Variants in ERBB4 observed in about 807,000 individuals in gnomAD.
The protein encoded by ERBB4 is receptor tyrosine-protein kinase erbB-4.
ERBB4 carries 42 observed loss-of-function variants against 158.0 expected under a neutral mutation model. The ratio of observed to expected loss-of-function variants is 0.27; its 90% CI spans 0.21 to 0.34. ERBB4 has a LOEUF of 0.34. Ranked by LOEUF, ERBB4 falls within the 10% of genes least tolerant of loss-of-function variation. The pLI is 1.00. For missense variants in ERBB4, 1,333 were observed against 1,624.1 expected (o/e 0.82, Z 3.08); for synonymous variants, 583 against 558.7 (o/e 1.04, Z -0.61).
intron 2 of ERBB4, among the ~76,000 whole-genome samples, chr2:211,978,863 A>G (rs2081708269): frequency 6.6e-6 from 1 of 152,208 alleles, no homozygotes; most frequent in African/African-American, 2.4e-5. Flanking sequence ...GTTAAATATT[A>G]CAACATTTTA....
At chr2:211,972,327 C>T (rs968597121) in intron 2 of ERBB4, among the ~76,000 whole-genome samples, 3 of 152,164 alleles carry the variant, frequency 2.0e-5, no homozygotes, top group African/African-American at 7.2e-5. Flanking sequence ...GGTCATACTG[C>T]CCAAAGCAAT....
intron 1 of ERBB4, among the ~76,000 whole-genome samples, chr2:212,338,497 T>A (rs554027570): frequency 8.5e-5 from 13 of 152,134 alleles, no homozygotes; most frequent in African/African-American, 3.1e-4. Context: ...GTTCAAAGTA[T>A]AAAAACACTT....
At chr2:211,485,004 T>C (rs985523135) in intron 20 of ERBB4, among the ~76,000 whole-genome samples, 3 of 152,164 alleles carry the variant, frequency 2.0e-5, no homozygotes, top group African/African-American at 7.2e-5. Flanking sequence ...GTGAACATAG[T>C]CTGAAGCTAA....
At chr2:212,333,308 T>C (rs534590557) in intron 1 of ERBB4, among the ~76,000 whole-genome samples, 1 of 151,946 alleles carries the variant, frequency 6.6e-6, no homozygotes, top group East Asian at 2.0e-4. Context: ...TGAATCCGGG[T>C]GGCCATAACT....
intron 1 of ERBB4, among the ~76,000 whole-genome samples, chr2:212,414,205 G>A (rs1189479641): frequency 6.6e-6 from 1 of 152,076 alleles, no homozygotes; most frequent in Non-Finnish European, 1.5e-5. Context: ...ATAGTTACAT[G>A]CCTTACCACT....
Position 211,773,654 on chromosome 2 carries a change from T to C in ERBB4, c.556+14371A>G, listed in dbSNP as rs900163977. ...TATATATATATATATATATAATATA[T>C]ATACACACACACACACTTCATATAC... On this transcript the variant is annotated intron_variant, in intron 4 of 27. Transcript: ENST00000342788. Among the ~76,000 whole-genome samples the C allele has an allele frequency of 4.7e-4, 56 of 119,262 alleles. 1 individual carries two copies. The highest frequency in any genetic ancestry group is 1.7e-3 in the East Asian group (6 of 3,596). The allele number at this position is 119,262 out of a possible 152,430, so 78.2% of individuals were successfully genotyped here.
intron 20 of ERBB4, among the ~76,000 whole-genome samples, chr2:211,541,103 A>G (rs1166294993): frequency 6.6e-6 from 1 of 151,860 alleles, no homozygotes; most frequent in African/African-American, 2.4e-5. Context: ...TCGGGGGAAA[A>G]GGTACAATGT....
intron 25 of ERBB4, among the ~76,000 whole-genome samples, chr2:211,417,329 T>A (rs1442547507): frequency 1.3e-5 from 2 of 151,736 alleles, no homozygotes; most frequent in Non-Finnish European, 2.9e-5. Flanking sequence ...TAAAAAAAAA[T>A]TAGCTGGGCA....
chr2:212,190,378 T>C (rs986220969), intron 1 of ERBB4, among the ~76,000 whole-genome samples: 5 of 151,328 alleles, frequency 3.3e-5, no homozygotes, highest in Non-Finnish European at 4.4e-5. Context: ...CTACTGAAAA[T>C]ACAAAAAAAT....
intron 20 of ERBB4, among the ~76,000 whole-genome samples, chr2:211,493,538 T>C (rs1249803317): frequency 6.6e-6 from 1 of 151,306 alleles, no homozygotes; most frequent in Non-Finnish European, 1.5e-5. Context: ...TAAGACACAA[T>C]GAATAACCAA....
At chr2:211,842,623 A>T (rs2077498305) in intron 3 of ERBB4, among the ~76,000 whole-genome samples, 1 of 151,974 alleles carries the variant, frequency 6.6e-6, no homozygotes, top group African/African-American at 2.4e-5. Context: ...CTGCCTAAAC[A>T]TTTTATTTTG....
chr2:212,352,358 A>G (rs985468887), intron 1 of ERBB4, among the ~76,000 whole-genome samples: 6 of 152,168 alleles, frequency 3.9e-5, no homozygotes, highest in Admixed American at 1.3e-4. Flanking sequence ...TTAGATTGAA[A>G]AAAACAAAGA....
chr2:211,471,953 G>C (rs1316585300), intron 20 of ERBB4, among the ~76,000 whole-genome samples: 6 of 152,098 alleles, frequency 3.9e-5, no homozygotes, highest in Admixed American at 1.3e-4. Context: ...ACCAGCCTGA[G>C]CAACAGAGTG....
At chr2:212,184,392 T>A (rs2081956978) in intron 1 of ERBB4, among the ~76,000 whole-genome samples, 2 of 152,140 alleles carry the variant, frequency 1.3e-5, no homozygotes, top group Admixed American at 6.6e-5. Context: ...CACCCTTTAA[T>A]ACTTATATAT....
intron 1 of ERBB4, among the ~76,000 whole-genome samples, chr2:212,217,182 C>T (rs1417118029): frequency 6.6e-6 from 1 of 151,444 alleles, no homozygotes; most frequent in East Asian, 1.9e-4. Context: ...GCAATGGATA[C>T]TTGCTCTATT....
chr2:211,413,441 TAAAAAC>T (rs2063313138), intron 25 of ERBB4, among the ~76,000 whole-genome samples: 1 of 151,164 alleles, frequency 6.6e-6, no homozygotes, highest in African/African-American at 2.4e-5. Flanking sequence ...TTTGTCTTAA[TAAAAAC>T]AAACAAATAA....
intron 20 of ERBB4, among the ~76,000 whole-genome samples, chr2:211,449,824 A>C (rs1429633879): frequency 2.0e-5 from 3 of 152,210 alleles, no homozygotes; most frequent in Admixed American, 6.5e-5. Flanking sequence ...TGTACTTAGA[A>C]GAAGAGCAGA....
intron 3 of ERBB4, among the ~76,000 whole-genome samples, chr2:211,920,711 CTTTT>C (rs59291331): frequency 1.4e-5 from 2 of 141,746 alleles, no homozygotes; most frequent in Non-Finnish European, 1.5e-5. Flanking sequence ...AGAGCTGTGA[CTTTT>C]TTTTTTTTTT....
At chr2:212,118,124 T>C (rs370508578) in intron 2 of ERBB4, among the ~76,000 whole-genome samples, 2 of 152,144 alleles carry the variant, frequency 1.3e-5, no homozygotes, top group African/African-American at 4.8e-5. Flanking sequence ...CACTGTTGGA[T>C]TTAATTCTGG....
Sources: gnomAD v4.1 joint callset for allele counts (sites outside exome capture counted in the v4.1 genomes callset) on GRCh38, gnomAD v4.1.1 for gene constraint, MANE v1.5 for transcripts, NCBI Gene and HGNC (gene_info 2026-07-23, HGNC 2026-07-21) for gene names.